The following CARS2 variants were observed in gnomAD, a reference collection of about 807,000 sequenced individuals.
CARS2 encodes the protein probable cysteine--tRNA ligase, mitochondrial.
CARS2 carries 52 observed loss-of-function variants against 68.8 expected under a neutral mutation model. That is an observed-to-expected ratio of 0.76 (90% CI 0.61 to 0.95). The LOEUF is 0.95. Among genes scored for constraint, CARS2 ranks in the 40% least tolerant of loss-of-function variants. The probability of loss-of-function intolerance (pLI) is 0.00; values close to 1 mark genes in which losing one functional copy is unlikely to be tolerated. For missense variants in CARS2, 780 were observed against 754.2 expected (o/e 1.03, Z -0.40); for synonymous variants, 314 against 303.6 (o/e 1.03, Z -0.36).
rs940317730 is a variant in CARS2, at chr13:110,645,815, C to A, written c.1317+152G>T. The A allele has an allele frequency of 1.8e-5, 19 of 1,031,682 alleles. No homozygotes were observed. In the African/African-American group the frequency reaches 2.8e-4, roughly 15 times the overall value. The allele number at this position is 1,031,682 out of a possible 1,614,324, so 63.9% of individuals were successfully genotyped here. ...GGCTGGGTGCCATCCCGTGTGTCAGCGGCAGACTCGGGCTCCATGAGTTCC... is the reference window on the plus strand; with the variant it reads ...GGCTGGGTGCCATCCCGTGTGTCAGAGGCAGACTCGGGCTCCATGAGTTCC... On this transcript the variant is annotated intron_variant, in intron 12 of 14. Coordinates refer to ENST00000257347, the MANE Select transcript of CARS2 (RefSeq NM_024537.4).
rs776911977 is a variant in CARS2, at chr13:110,663,429, T to TA, written c.987+21dup. 17 of 1,608,056 alleles carry TA rather than the reference T, an allele frequency of 1.1e-5. No individual in the cohort carries two copies. The South Asian group carries it at 1.4e-4, about 14-fold the overall frequency. On this transcript the variant is annotated intron_variant, in intron 9 of 14. Transcript: ENST00000257347. Reference sequence around the variant, plus strand: ...CCACAAGCTATCGGCACCTCAGAGATACAATACAAAAAGCACGTTACCTTA... The same window carrying TA: ...CCACAAGCTATCGGCACCTCAGAGATAACAATACAAAAAGCACGTTACCTTA...
intron 6 of CARS2, among the ~76,000 whole-genome samples, chr13:110,681,198 C>T (rs1409309189): frequency 6.6e-6 from 1 of 152,226 alleles, no homozygotes; most frequent in East Asian, 1.9e-4. Context: ...AGCCACCATG[C>T]TCAACCAAGT....
chr13:110,689,432 C>G (rs1248426807), intron 3 of CARS2, among the ~76,000 whole-genome samples: 4 of 152,238 alleles, frequency 2.6e-5, no homozygotes, highest in Non-Finnish European at 4.4e-5. Flanking sequence ...CCATGTGACC[C>G]TGAGACCCAG....
At chr13:110,679,567 AAGAGAG>A (rs199691863) in intron 6 of CARS2, among the ~76,000 whole-genome samples, 3 of 92,934 alleles carry the variant, frequency 3.2e-5, no homozygotes, top group Admixed American at 1.4e-4. Context: ...GAAAGAAAGA[AAGAGAG>A]AGAAAGAAAG....
intron 6 of CARS2, among the ~76,000 whole-genome samples, chr13:110,678,538 T>C (rs895802098): frequency 6.6e-6 from 1 of 152,230 alleles, no homozygotes; most frequent in Admixed American, 6.5e-5. Context: ...TTTTCATTAC[T>C]AGTCACTTTA....
rs573817125 is a variant in CARS2, at chr13:110,664,634, AT to A, written c.920-1117del. 1.1e-3 allele frequency: 1,117 copies of A among 982,536 alleles called. 2 individuals carry two copies. The highest frequency in any genetic ancestry group is 1.5e-3 in the South Asian group (32 of 21,228). 60.9% of individuals were successfully genotyped at this position (982,536 alleles called of 1,614,324 possible). A position where few individuals can be genotyped will look rare whatever the true frequency, so the allele number is the denominator to read the frequency against. The stretch of plus-strand genomic sequence containing the variant: ...TGTGATTACACCAAGCACGATTCTG[AT>A]TTTTTAAAATTGATGATAGTTGGAA... On this transcript the variant is annotated intron_variant, in intron 8 of 14. Coordinates refer to ENST00000257347, the MANE Select transcript of CARS2 (RefSeq NM_024537.4).
chr13:110,713,224 G>C, exon 1 of CARS2: 3 of 1,416,230 alleles, frequency 2.1e-6, no homozygotes, highest in Non-Finnish European at 2.8e-6. Flanking sequence ...GTTCTGTTTC[G>C]GGCCCTACTT....
intron 5 of CARS2, among the ~76,000 whole-genome samples, chr13:110,684,759 C>T (rs773278819): frequency 6.6e-6 from 1 of 151,956 alleles, no homozygotes; most frequent in Non-Finnish European, 1.5e-5. Context: ...GCTTTAAAAG[C>T]GCTTCACTGG....
At position 110,683,081 on chromosome 13, in the gene CARS2, C is replaced by T. The variant is rs760043245; in HGVS notation, c.625G>A (p.Gly209Ser). 1.4e-5 allele frequency: 22 copies of T among 1,602,192 alleles called. No homozygotes were observed. The highest frequency in any genetic ancestry group is 9.1e-5 in the East Asian group (4 of 43,728). ...SRGDKYGKLV[G>S]VVPGPVGEPA... ...TCTCCGACTGGACCAGGGACCACGC[C>T]GACCAATTTGCCATACTTGTCTCCT... Residue 209 changes from glycine to serine, a missense_variant, in exon 6 of 15, where the codon GGC becomes AGC. Gly to Ser is a moderately conservative substitution (Grantham distance 56, BLOSUM62 0). Transcript: ENST00000257347.
At chr13:110,642,270 A>G (rs1887444271) in intron 14 of CARS2, 45 bp downstream of exon 14, 7 of 1,475,448 alleles carry the variant, frequency 4.7e-6, no homozygotes, top group African/African-American at 1.4e-5. Context: ...CTGTTGACCT[A>G]CCCGGCTCCT....
upstream of CARS2, among the ~76,000 whole-genome samples, chr13:110,708,574 C>CTT (rs572046218): frequency 0.052 from 7,619 of 145,542 alleles, 395 homozygotes; most frequent in African/African-American, 0.12. Flanking sequence ...ATTATGTTTT[C>CTT]TTTTTTTTTT....
intron 3 of CARS2, among the ~76,000 whole-genome samples, chr13:110,692,509 A>G (rs2063500544): frequency 6.6e-6 from 1 of 151,342 alleles, no homozygotes; most frequent in Non-Finnish European, 1.5e-5. Context: ...TTCATATTTG[A>G]TAGGGCTAGT....
At chr13:110,694,105 G>A (rs536313468) in intron 3 of CARS2, among the ~76,000 whole-genome samples, 80 of 151,928 alleles carry the variant, frequency 5.3e-4, no homozygotes, top group Non-Finnish European at 7.5e-4. Context: ...TCAGCTCACC[G>A]CAACCTCTGC....
chr13:110,700,942 T>C lies in CARS2; in HGVS notation c.393+496A>G, dbSNP rs2063766733. 3.3e-5 allele frequency among the ~76,000 whole-genome samples: 5 copies of C among 152,178 alleles called. No individual in the cohort carries two copies. The South Asian group carries it at 1.0e-3, about 31-fold the overall frequency. The stretch of plus-strand genomic sequence containing the variant: ...ACAATACGATAGATGTTAACTTCCT[T>C]TACTAGGGCACCAAAGAAACCCTGC... On this transcript the variant is annotated intron_variant, in intron 3 of 14. Coordinates refer to ENST00000257347, the MANE Select transcript of CARS2 (RefSeq NM_024537.4).
At chr13:110,664,842 C>T (rs1027910740) in intron 8 of CARS2, 13 of 370,076 alleles carry the variant, frequency 3.5e-5, no homozygotes, top group Non-Finnish European at 4.9e-5. Flanking sequence ...AGCTGACGGC[C>T]GTCTACAAAT....
chr13:110,699,639 A>T (rs1364296642), intron 3 of CARS2, among the ~76,000 whole-genome samples: 1 of 152,368 alleles, frequency 6.6e-6, no homozygotes, highest in East Asian at 1.9e-4. Flanking sequence ...AAAATGGGCA[A>T]AAATGTCCAG....
chr13:110,707,055 AC>A (rs1393486936), upstream of CARS2, among the ~76,000 whole-genome samples: 4 of 150,384 alleles, frequency 2.7e-5, no homozygotes, highest in African/African-American at 9.8e-5. Context: ...TACAGTGTGC[AC>A]CCCTAATACA....
At chr13:110,700,082 G>C (rs1367206411) in intron 3 of CARS2, among the ~76,000 whole-genome samples, 1 of 152,202 alleles carries the variant, frequency 6.6e-6, no homozygotes, top group Non-Finnish European at 1.5e-5. Flanking sequence ...CCCTGCCCCT[G>C]AAGGTCTGTG....
upstream of CARS2, chr13:110,706,369 A>G (rs918806058): frequency 2.0e-4 from 49 of 249,884 alleles, 1 homozygote; most frequent in Non-Finnish European, 3.6e-4. Flanking sequence ...AAGAGGCGGT[A>G]CCGTGCCGAT....
Sources: allele counts gnomAD v4.1 joint callset (sites outside exome capture counted in the v4.1 genomes callset), GRCh38; gene constraint gnomAD v4.1.1; transcripts MANE v1.5; gene names NCBI Gene and HGNC (gene_info 2026-07-23, HGNC 2026-07-21).